Variants in CDHR2 observed in about 807,000 individuals in gnomAD.
CDHR2 encodes cadherin-related family member 2.
In CDHR2, 104 loss-of-function variants were observed where a neutral mutation model predicts 138.6. That is an observed-to-expected ratio of 0.75 (90% CI 0.64 to 0.88). The LOEUF is 0.88. Among genes scored for constraint, CDHR2 ranks in the 40% least tolerant of loss-of-function variants. The pLI, the probability that CDHR2 is intolerant of heterozygous loss-of-function variation, is 0.00. For missense variants in CDHR2, 1,624 were observed against 1,727.6 expected, an observed-to-expected ratio of 0.94 and a Z score of 1.06; for synonymous variants, 755 against 742.8, an observed-to-expected ratio of 1.02 and a Z score of -0.27.
At chr5:176,556,428 A>T (rs1466728381) in intron 1 of CDHR2, among the ~76,000 whole-genome samples, 1 of 152,214 alleles carries the variant, frequency 6.6e-6, no homozygotes, top group Non-Finnish European at 1.5e-5. Context: ...GCACTTTGGG[A>T]GGCCGAGGCG....
intron 6 of CDHR2, among the ~76,000 whole-genome samples, chr5:176,572,410 T>TAAATAAATAAATAAAG (rs1758258888): frequency 6.6e-6 from 1 of 151,328 alleles, no homozygotes; most frequent in Admixed American, 6.6e-5. Context: ...AATAAATAAA[T>TAAATAAATAAATAAAG]AAATAATAAA....
intron 16 of CDHR2, 119 bp from the exon 17 acceptor site, chr5:176,581,224 C>T: frequency 1.5e-6 from 2 of 1,348,308 alleles, no homozygotes; most frequent in East Asian, 2.5e-5. Context: ...GGCCCAGGGG[C>T]TCCAGGCCTG....
At position 176,586,064 on chromosome 5, in the gene CDHR2, C is replaced by T. The variant is rs73345173; in HGVS notation, c.2806+39C>T. On this transcript the variant is annotated intron_variant, in intron 20 of 31. Coordinates refer to ENST00000261944, the MANE Select transcript of CDHR2 (RefSeq NM_017675.6). ...CCATTCACACACCATACCCCTGCTC[C>T]ATAAGGCCGCCTTTGAGCAACCCCG... The T allele has an allele frequency of 1.8e-4, 287 of 1,564,360 alleles. No homozygotes were observed. In the African/African-American group the frequency reaches 3.4e-3, roughly 19 times the overall value.
chr5:176,575,433 G>T lies in CDHR2; in HGVS notation c.768+7G>T, dbSNP rs766605701. The T allele has an allele frequency of 1.1e-5, 17 of 1,614,090 alleles. No individual in the cohort carries two copies. The highest frequency in any genetic ancestry group is 1.4e-5 in the Non-Finnish European group (17 of 1,180,036). ...GGCTGAGGATGCAGCCAAGGTGCACGGGGGACCTGTGGGGTGTGGGTGGAG... is the reference window on the plus strand; with the variant it reads ...GGCTGAGGATGCAGCCAAGGTGCACTGGGGACCTGTGGGGTGTGGGTGGAG... On this transcript the variant is annotated splice_region_variant and intron_variant, in intron 9 of 31. Transcript: ENST00000261944.
upstream of CDHR2, among the ~76,000 whole-genome samples, chr5:176,544,375 C>CTTT (rs33922574): frequency 9.2e-4 from 134 of 146,214 alleles, no homozygotes; most frequent in Admixed American, 1.0e-3. Flanking sequence ...TCTTTCTTTC[C>CTTT]TTTTTTTCTT....
chr5:176,579,603 G>T (rs963584020), intron 16 of CDHR2, among the ~76,000 whole-genome samples: 1 of 152,164 alleles, frequency 6.6e-6, no homozygotes, highest in African/African-American at 2.4e-5. Context: ...TGAGTTCAGG[G>T]CACCAAAGGA....
At chr5:176,557,427 A>G (rs1732061570) in intron 1 of CDHR2, among the ~76,000 whole-genome samples, 1 of 152,058 alleles carries the variant, frequency 6.6e-6, no homozygotes, top group African/African-American at 2.4e-5. Flanking sequence ...GCTGGTCTCA[A>G]ACTCCTGAGC....
chr5:176,555,825 C>T (rs1397210017), intron 1 of CDHR2, among the ~76,000 whole-genome samples: 1 of 152,080 alleles, frequency 6.6e-6, no homozygotes, highest in Non-Finnish European at 1.5e-5. Context: ...CGGTTGAACC[C>T]GGGAGGCAGA....
chr5:176,549,221 G>C (rs959492139), upstream of CDHR2, among the ~76,000 whole-genome samples: 1 of 152,102 alleles, frequency 6.6e-6, no homozygotes, highest in Admixed American at 6.5e-5. Flanking sequence ...GGCGCCCCCA[G>C]CTGTACTCTG....
At chr5:176,571,400 G>C in intron 6 of CDHR2, 98 bp downstream of exon 6, 5 of 765,014 alleles carry the variant, frequency 6.5e-6, no homozygotes, top group Non-Finnish European at 1.0e-5. Flanking sequence ...ATTCAGAGTT[G>C]GGAAAAACCT....
chr5:176,593,251 T>C (rs1758933506), intron 31 of CDHR2, among the ~76,000 whole-genome samples: 1 of 152,148 alleles, frequency 6.6e-6, no homozygotes, highest in Admixed American at 6.5e-5. Flanking sequence ...GGTGAGTTGG[T>C]TGGATGAGAT....
chr5:176,579,115 A>T (rs1038089332), intron 16 of CDHR2, among the ~76,000 whole-genome samples: 10 of 152,186 alleles, frequency 6.6e-5, no homozygotes, highest in Admixed American at 2.0e-4. Flanking sequence ...TCATGAGATA[A>T]AAACCCACTA....
At chr5:176,569,213 T>C (rs1244194625) in intron 5 of CDHR2, among the ~76,000 whole-genome samples, 3 of 151,914 alleles carry the variant, frequency 2.0e-5, no homozygotes, top group Admixed American at 2.0e-4. Context: ...TACATAAATA[T>C]ATTATTTATA....
chr5:176,576,314 G>A lies in CDHR2; in HGVS notation c.1194+129G>A, dbSNP rs1303915978. 3 of 710,516 alleles carry A rather than the reference G, an allele frequency of 4.2e-6. No homozygotes were observed. Among genetic ancestry groups the A allele is most frequent in the African/African-American group, 3.5e-5 (2 of 56,926 alleles). The allele number at this position is 710,516 out of a possible 1,614,324, so 44.0% of individuals were successfully genotyped here. A position where few individuals can be genotyped will look rare whatever the true frequency, so the allele number is the denominator to read the frequency against. ...TGCAGGGTGTGATGGCGGAGAATGG[G>A]GGTGCTGGGTGCTCTCTGGAAGCCT... is the stretch of plus-strand genomic sequence containing the variant. On this transcript the variant is annotated intron_variant, in intron 12 of 31. Coordinates refer to ENST00000261944, the MANE Select transcript of CDHR2 (RefSeq NM_017675.6). The surrounding 1 kb of genome is among the most constrained non-coding windows in gnomAD (Gnocchi z 4.5).
intron 31 of CDHR2, 143 bp from the exon 32 acceptor site, chr5:176,595,389 A>G: frequency 1.1e-6 from 1 of 878,622 alleles, no homozygotes; most frequent in Non-Finnish European, 1.7e-6. Context: ...CACAGCCTGG[A>G]CCAGAGGCCC....
chr5:176,554,020 G>GAACTTACTA (rs1463521677), intron 1 of CDHR2, among the ~76,000 whole-genome samples: 1 of 152,192 alleles, frequency 6.6e-6, no homozygotes, highest in Non-Finnish European at 1.5e-5. Context: ...TGAGGACTGA[G>GAACTTACTA]AACTTACTAA....
intron 6 of CDHR2, among the ~76,000 whole-genome samples, chr5:176,571,553 T>G (rs1758231888): frequency 6.6e-6 from 1 of 151,822 alleles, no homozygotes; most frequent in African/African-American, 2.4e-5. Flanking sequence ...ATTTTTTTTG[T>G]GTAGACGGAG....
chr5:176,551,460 A>C (rs1177824191), intron 1 of CDHR2, among the ~76,000 whole-genome samples: 2 of 151,934 alleles, frequency 1.3e-5, no homozygotes, highest in African/African-American at 4.8e-5. Flanking sequence ...TAATTTCTGG[A>C]ATATAGATAG....
At position 176,591,462 on chromosome 5, in the gene CDHR2, T is replaced by A. The variant is rs115087567; in HGVS notation, c.3712T>A (p.Ser1238Thr). 2.8e-5 allele frequency: 45 copies of A among 1,613,652 alleles called. No individual in the cohort carries two copies. The East Asian group carries it at 8.7e-4, about 31-fold the overall frequency. Residue 1238 changes from serine to threonine, a missense_variant, in exon 30 of 32, where the codon TCC becomes ACC. This residue lies in a region of CDHR2 where 556 missense variants were observed against 565.7 expected (regional missense o/e 0.98). Coordinates refer to ENST00000261944, the MANE Select transcript of CDHR2 (RefSeq NM_017675.6). Reference protein sequence around the residue: ...KDLGLEYLSPSNDLDSVSVNS... With the variant: ...KDLGLEYLSPTNDLDSVSVNS... ...CCTGGGCTTGGAGTACCTCTCTCCC[T>A]CCAATGACCTGGACTCTGTCAGGTG...
Sources: allele counts gnomAD v4.1 joint callset (sites outside exome capture counted in the v4.1 genomes callset), GRCh38; gene constraint gnomAD v4.1.1; regional missense constraint gnomAD v4.1.1; non-coding constraint Gnocchi (gnomAD v3.1); transcripts MANE v1.5; gene names NCBI Gene and HGNC (gene_info 2026-07-23, HGNC 2026-07-21).